The following NELL2 variants were observed in gnomAD, a reference collection of about 807,000 sequenced individuals.
NELL2 encodes neural EGFL like 2.
In NELL2, 41 loss-of-function variants were observed where a neutral mutation model predicts 109.6. That is an observed-to-expected ratio of 0.37 (90% confidence interval 0.29 to 0.49). The LOEUF (loss-of-function observed/expected upper bound fraction) is 0.49, where lower values mean the gene tolerates loss of function less well. Ranked by LOEUF, NELL2 falls within the 20% of genes least tolerant of loss-of-function variation. The pLI is 0.98. For synonymous variants in NELL2, 355 were observed against 344.7 expected, an observed-to-expected ratio of 1.03 and a Z score of -0.33; for missense variants, 900 against 1,008.3, an observed-to-expected ratio of 0.89 and a Z score of 1.45.
chr12:44,811,308 G>T (rs1417642018), intron 3 of NELL2, among the ~76,000 whole-genome samples: 2 of 121,512 alleles, frequency 1.6e-5, no homozygotes, highest in African/African-American at 6.4e-5. Context: ...AAACCTACAC[G>T]TTCTGCACAT....
At chr12:44,618,672 A>G (rs1945924716) in intron 13 of NELL2, among the ~76,000 whole-genome samples, 1 of 152,192 alleles carries the variant, frequency 6.6e-6, no homozygotes, top group Non-Finnish European at 1.5e-5. Context: ...ATAATCTGAG[A>G]TCTGTGACCC....
intron 1 of NELL2, among the ~76,000 whole-genome samples, chr12:44,909,047 T>C (rs994600843): frequency 2.0e-5 from 3 of 151,750 alleles, no homozygotes; most frequent in African/African-American, 4.8e-5. Flanking sequence ...GACAAATTAC[T>C]TTTAAAAATA....
At chr12:44,798,762 A>T (rs1219987316) in intron 3 of NELL2, among the ~76,000 whole-genome samples, 1 of 152,100 alleles carries the variant, frequency 6.6e-6, no homozygotes, top group Non-Finnish European at 1.5e-5. Context: ...ACAATGGCAC[A>T]TGAATAAAAA....
At chr12:44,682,443 T>G (rs1387217940) in intron 12 of NELL2, among the ~76,000 whole-genome samples, 2 of 152,100 alleles carry the variant, frequency 1.3e-5, no homozygotes, top group African/African-American at 4.8e-5. Flanking sequence ...TTTGTCAATT[T>G]TGGCTTTTGT....
intron 2 of NELL2, among the ~76,000 whole-genome samples, chr12:44,849,748 A>T (rs1944477663): frequency 6.6e-6 from 1 of 152,224 alleles, no homozygotes; most frequent in Non-Finnish European, 1.5e-5. Flanking sequence ...CCAGGTGTTT[A>T]TCAGCAGGAA....
In NELL2 at chr12:44,642,609, T is replaced by C. The variant is rs1340606736; in HGVS notation, c.1444+22875A>G. Among the ~76,000 whole-genome samples the C allele has an allele frequency of 3.3e-5, 5 of 152,154 alleles. No individual in the cohort carries two copies. In the South Asian group the frequency reaches 8.3e-4, roughly 25 times the overall value. ...AAATTTGTGAAGAAGTGGCCGGGCG[T>C]GGTGGATCATGCCTGTAATCCCAGC... On this transcript the variant is annotated intron_variant, in intron 13 of 19. Coordinates refer to ENST00000429094, the MANE Select transcript of NELL2 (RefSeq NM_001145108.2).
intron 19 of NELL2, among the ~76,000 whole-genome samples, chr12:44,512,700 G>A (rs896794695): frequency 1.2e-4 from 18 of 152,186 alleles, no homozygotes; most frequent in Admixed American, 6.5e-4. Flanking sequence ...AGGACATTAT[G>A]TGAAATAAGC....
At chr12:44,608,982 A>G (rs1302818261) in intron 14 of NELL2, among the ~76,000 whole-genome samples, 1 of 151,528 alleles carries the variant, frequency 6.6e-6, no homozygotes, top group Non-Finnish European at 1.5e-5. Flanking sequence ...ATGCATAGTA[A>G]GAGATTAACA....
At chr12:44,588,554 G>C (rs1944629759) in intron 15 of NELL2, among the ~76,000 whole-genome samples, 1 of 152,202 alleles carries the variant, frequency 6.6e-6, no homozygotes, top group Non-Finnish European at 1.5e-5. Flanking sequence ...AAAGTAATCA[G>C]TGTGTTAGAT....
intron 15 of NELL2, among the ~76,000 whole-genome samples, chr12:44,542,030 C>T (rs1274640678): frequency 6.6e-6 from 1 of 152,182 alleles, no homozygotes; most frequent in Non-Finnish European, 1.5e-5. Context: ...TCTAAATACA[C>T]AATTGTCAAA....
chr12:44,854,927 C>T (rs1001659853), intron 2 of NELL2, among the ~76,000 whole-genome samples: 7 of 152,032 alleles, frequency 4.6e-5, no homozygotes, highest in Non-Finnish European at 8.8e-5. Flanking sequence ...GTATAAGAGC[C>T]ATAAAGATGA....
At chr12:44,690,856 C>G (rs1157997772) in intron 12 of NELL2, among the ~76,000 whole-genome samples, 1 of 152,142 alleles carries the variant, frequency 6.6e-6, no homozygotes, top group Non-Finnish European at 1.5e-5. Context: ...AAATCAAATT[C>G]CCAAGAAGAA....
intron 9 of NELL2, among the ~76,000 whole-genome samples, chr12:44,751,116 GAGAACCAATC>G (rs1940631070): frequency 6.6e-6 from 1 of 152,074 alleles, no homozygotes; most frequent in Non-Finnish European, 1.5e-5. Flanking sequence ...GGAGGTCAAA[GAGAACCAATC>G]AGAAAATTGG....
At chr12:44,630,702 C>T (rs1566050475) in intron 13 of NELL2, among the ~76,000 whole-genome samples, 1 of 152,040 alleles carries the variant, frequency 6.6e-6, no homozygotes, top group East Asian at 1.9e-4. Context: ...CACTAAAACA[C>T]ATCAAGAGAA....
chr12:44,772,869 T>A (rs1239908969), intron 9 of NELL2, among the ~76,000 whole-genome samples: 1 of 152,058 alleles, frequency 6.6e-6, no homozygotes, highest in Non-Finnish European at 1.5e-5. Flanking sequence ...AAACAGTTGG[T>A]TTTCAATCAT....
At chr12:44,846,991 T>C (rs1944391146) in intron 2 of NELL2, among the ~76,000 whole-genome samples, 1 of 152,244 alleles carries the variant, frequency 6.6e-6, no homozygotes, top group Non-Finnish European at 1.5e-5. Context: ...TAAGCTCACT[T>C]GTGGGAGTGT....
At chr12:44,713,177 T>C (rs1050056290) in intron 10 of NELL2, among the ~76,000 whole-genome samples, 26 of 142,014 alleles carry the variant, frequency 1.8e-4, no homozygotes, top group African/African-American at 6.3e-4. Flanking sequence ...ATGAATAGGA[T>C]ACACACACAC....
At chr12:44,822,064 C>G (rs887936266) in intron 2 of NELL2, among the ~76,000 whole-genome samples, 2 of 151,910 alleles carry the variant, frequency 1.3e-5, no homozygotes, top group Non-Finnish European at 2.9e-5. Flanking sequence ...CCGCATCTGG[C>G]AAAAATTTTA....
chr12:44,920,133 A>G (rs1294161879), intron 1 of NELL2, among the ~76,000 whole-genome samples: 2 of 152,206 alleles, frequency 1.3e-5, no homozygotes, highest in African/African-American at 4.8e-5. Context: ...TGTTAATAGA[A>G]TGAGAAAACA....
Sources: allele counts gnomAD v4.1 joint callset (sites outside exome capture counted in the v4.1 genomes callset), GRCh38; gene constraint gnomAD v4.1.1; transcripts MANE v1.5; gene names NCBI Gene and HGNC (gene_info 2026-07-23, HGNC 2026-07-21).